FHIT: variants seen among roughly 807,000 people sequenced by gnomAD.
FHIT encodes fragile histidine triad diadenosine triphosphatase.
FHIT carries 19 observed loss-of-function variants against 17.9 expected under a neutral mutation model. That is an observed-to-expected ratio of 1.06 (90% CI 0.74 to 1.56). The LOEUF (loss-of-function observed/expected upper bound fraction) is 1.56. Among genes scored for constraint, FHIT ranks in the 40% most tolerant of loss-of-function variants. The pLI is 0.00. For synonymous variants in FHIT, 81 were observed against 69.7 expected (o/e 1.16, Z -0.81); for missense variants, 248 against 189.2 (o/e 1.31, Z -1.82).
intron 3 of FHIT, among the ~76,000 whole-genome samples, chr3:60,833,405 A>G (rs1175655461): frequency 6.6e-6 from 1 of 152,050 alleles, no homozygotes; most frequent in Admixed American, 6.6e-5. Context: ...ACTTTCATAC[A>G]TTTACAGTGC....
intron 5 of FHIT, among the ~76,000 whole-genome samples, chr3:60,287,482 A>C (rs1707779998): frequency 6.6e-6 from 1 of 152,158 alleles, no homozygotes; most frequent in South Asian, 2.1e-4. Flanking sequence ...ATTTCTGTCT[A>C]CTTCTGACAT....
At chr3:61,172,136 T>C (rs934433879) in intron 2 of FHIT, among the ~76,000 whole-genome samples, 2 of 152,114 alleles carry the variant, frequency 1.3e-5, no homozygotes, top group Admixed American at 6.6e-5. Flanking sequence ...TGTGAATACA[T>C]AGAATTTTAT....
intron 2 of FHIT, among the ~76,000 whole-genome samples, chr3:61,187,554 T>C (rs561360280): frequency 1.3e-5 from 2 of 152,266 alleles, no homozygotes; most frequent in East Asian, 3.9e-4. Context: ...TATCCAGGAA[T>C]TGAACTCAGC....
chr3:59,768,773 T>C (rs1380150306), intron 8 of FHIT, among the ~76,000 whole-genome samples: 1 of 152,220 alleles, frequency 6.6e-6, no homozygotes, highest in Non-Finnish European at 1.5e-5. Flanking sequence ...CCATCCTCAG[T>C]CCTCAAATAA....
intron 8 of FHIT, among the ~76,000 whole-genome samples, chr3:59,836,094 C>T (rs1701329196): frequency 6.6e-6 from 1 of 152,062 alleles, no homozygotes; most frequent in Non-Finnish European, 1.5e-5. Context: ...AAGATGGAGT[C>T]CTCCCCATGA....
Position 60,315,576 on chromosome 3 carries a change from C to T in FHIT, c.103+221284G>A, listed in dbSNP as rs898972904. On this transcript the variant is annotated intron_variant, in intron 5 of 9. Transcript: ENST00000492590. ...GTACGCTCTAGCATCCAGCTTCTTCCGTTCAACATACTATCTGTGAAATTC... is the reference window on the plus strand; with the variant it reads ...GTACGCTCTAGCATCCAGCTTCTTCTGTTCAACATACTATCTGTGAAATTC... Among the ~76,000 whole-genome samples, 7 of 152,266 alleles carry T rather than the reference C, an allele frequency of 4.6e-5. No homozygotes were observed. The South Asian group carries it at 6.2e-4, about 14-fold the overall frequency.
chr3:61,211,240 C>T (rs1249939627), intron 1 of FHIT, among the ~76,000 whole-genome samples: 4 of 151,954 alleles, frequency 2.6e-5, no homozygotes, highest in South Asian at 4.1e-4. Flanking sequence ...CAGAGATCTC[C>T]CTTTCCTAGT....
intron 5 of FHIT, among the ~76,000 whole-genome samples, chr3:60,514,001 T>C (rs2035047303): frequency 6.6e-6 from 1 of 152,150 alleles, no homozygotes; most frequent in Non-Finnish European, 1.5e-5. Flanking sequence ...GGGAGAAGTT[T>C]GGCCAGGGAC....
intron 8 of FHIT, among the ~76,000 whole-genome samples, chr3:59,865,606 C>T (rs1408385489): frequency 6.6e-6 from 1 of 152,242 alleles, no homozygotes; most frequent in East Asian, 1.9e-4. Context: ...TAAAAGGGAA[C>T]AGATCTTTTG....
At chr3:60,695,843 AT>A (rs1161971276) in intron 4 of FHIT, among the ~76,000 whole-genome samples, 3 of 152,160 alleles carry the variant, frequency 2.0e-5, no homozygotes, top group Admixed American at 2.0e-4. Context: ...AATAACCATT[AT>A]GAGGGTTGTT....
At chr3:61,125,334 G>A (rs982904009) in intron 2 of FHIT, among the ~76,000 whole-genome samples, 1 of 152,162 alleles carries the variant, frequency 6.6e-6, no homozygotes, top group African/African-American at 2.4e-5. Context: ...TTAGGCATAT[G>A]CATACTTGAA....
intron 5 of FHIT, among the ~76,000 whole-genome samples, chr3:60,179,266 C>T (rs1426659630): frequency 6.6e-6 from 1 of 152,144 alleles, no homozygotes; most frequent in Non-Finnish European, 1.5e-5. Context: ...CCACACAGCC[C>T]ACTCACGGTC....
intron 2 of FHIT, among the ~76,000 whole-genome samples, chr3:61,045,162 G>C (rs1423147957): frequency 6.6e-6 from 1 of 152,196 alleles, no homozygotes; most frequent in Non-Finnish European, 1.5e-5. Flanking sequence ...TGGGCTAAAT[G>C]CTCCAATTAA....
intron 7 of FHIT, among the ~76,000 whole-genome samples, chr3:59,958,359 T>C (rs1707504145): frequency 6.6e-6 from 1 of 152,146 alleles, no homozygotes; most frequent in Admixed American, 6.5e-5. Flanking sequence ...AAAAGGACTG[T>C]ATAAAAAAAA....
chr3:59,850,147 C>T (rs1300624357), intron 8 of FHIT, among the ~76,000 whole-genome samples: 1 of 152,114 alleles, frequency 6.6e-6, no homozygotes, highest in Non-Finnish European at 1.5e-5. Flanking sequence ...GGGAGAAGGT[C>T]TTAACACAAA....
At chr3:61,113,546 T>A (rs1337846499) in intron 2 of FHIT, among the ~76,000 whole-genome samples, 1 of 152,190 alleles carries the variant, frequency 6.6e-6, no homozygotes, top group Non-Finnish European at 1.5e-5. Context: ...GAGAGCTTTG[T>A]TCCTAACTCT....
chr3:60,486,130 C>A (rs996419160), intron 5 of FHIT, among the ~76,000 whole-genome samples: 3 of 152,006 alleles, frequency 2.0e-5, no homozygotes, highest in African/African-American at 7.2e-5. Flanking sequence ...CTAATAGGAA[C>A]TGAAAAAGAC....
intron 3 of FHIT, among the ~76,000 whole-genome samples, chr3:60,924,073 G>A (rs1345048347): frequency 2.0e-5 from 3 of 152,180 alleles, no homozygotes; most frequent in Non-Finnish European, 2.9e-5. Context: ...GCTCGAACTC[G>A]GTGGAGCCCA....
At chr3:59,841,950 C>T (rs568100602) in intron 8 of FHIT, among the ~76,000 whole-genome samples, 126 of 152,218 alleles carry the variant, frequency 8.3e-4, no homozygotes, top group African/African-American at 2.7e-3. Context: ...GGTGTACAGT[C>T]CAGTGACAAT....
Sources: gnomAD v4.1 joint callset for allele counts (sites outside exome capture counted in the v4.1 genomes callset) on GRCh38, gnomAD v4.1.1 for gene constraint, MANE v1.5 for transcripts, NCBI Gene and HGNC (gene_info 2026-07-23, HGNC 2026-07-21) for gene names.